Variants in NRG1 observed in about 807,000 individuals in gnomAD.
The protein encoded by NRG1 is pro-neuregulin-1, membrane-bound isoform.
NRG1 carries 18 observed loss-of-function variants against 63.8 expected under a neutral mutation model. That is an observed-to-expected ratio of 0.28 (90% CI 0.19 to 0.42). The LOEUF (loss-of-function observed/expected upper bound fraction) is 0.42. NRG1 is among the 10% of genes least tolerant of loss of function. The pLI, the probability that NRG1 is intolerant of heterozygous loss-of-function variation, is 1.00. For missense variants in NRG1, 762 were observed against 814.7 expected (o/e 0.94, Z 0.79); for synonymous variants, 302 against 301.3 (o/e 1.00, Z -0.02).
chr8:32,553,124 T>C (rs1192324329), intron 1 of NRG1, among the ~76,000 whole-genome samples: 1 of 152,198 alleles, frequency 6.6e-6, no homozygotes, highest in Non-Finnish European at 1.5e-5. Flanking sequence ...CTTAAATATG[T>C]AGTCATGGGA....
intron 1 of NRG1, among the ~76,000 whole-genome samples, chr8:31,821,454 A>G (rs13256173): frequency 0.14 from 21,203 of 152,246 alleles, 1,646 homozygotes; most frequent in South Asian, 0.19. Flanking sequence ...CAATCCCAGA[A>G]TAGTTCTACT....
chr8:32,421,200 G>A (rs1276431023), intron 1 of NRG1, among the ~76,000 whole-genome samples: 1 of 152,064 alleles, frequency 6.6e-6, no homozygotes, highest in East Asian at 1.9e-4. Flanking sequence ...ACCAGACCTG[G>A]CTAAATCCTT....
At chr8:32,557,014 G>T (rs980686101) in intron 1 of NRG1, among the ~76,000 whole-genome samples, 7 of 151,784 alleles carry the variant, frequency 4.6e-5, no homozygotes, top group Admixed American at 4.6e-4. Flanking sequence ...TTTGGTTTTT[G>T]GTTTTTTTTG....
chr8:32,051,204 C>T (rs1021266555), intron 1 of NRG1, among the ~76,000 whole-genome samples: 1 of 151,902 alleles, frequency 6.6e-6, no homozygotes, highest in African/African-American at 2.4e-5. Flanking sequence ...TAAAGGAATG[C>T]CTCATTCGTT....
intron 1 of NRG1, among the ~76,000 whole-genome samples, chr8:32,526,914 G>T (rs1447182703): frequency 2.6e-5 from 4 of 151,982 alleles, no homozygotes; most frequent in Admixed American, 2.6e-4. Context: ...TCCATTTGTA[G>T]CCCTTCACTC....
chr8:31,661,657 C>T (rs1400760236), intron 1 of NRG1, among the ~76,000 whole-genome samples: 1 of 152,180 alleles, frequency 6.6e-6, no homozygotes, highest in Non-Finnish European at 1.5e-5. Context: ...AGGTTTATAG[C>T]AAATGACTTT....
chr8:32,169,928 G>A (rs990855839), intron 1 of NRG1, among the ~76,000 whole-genome samples: 1 of 152,188 alleles, frequency 6.6e-6, no homozygotes, highest in Non-Finnish European at 1.5e-5. Context: ...AAGTAAAGTA[G>A]GTCCTTAATC....
Position 32,734,425 on chromosome 8 carries a change from T to C in NRG1, c.632+6347T>C, listed in dbSNP as rs1443482886. On this transcript the variant is annotated intron_variant, in intron 6 of 11. Coordinates refer to ENST00000356819, the Ensembl canonical transcript of NRG1. ...TCCAGTCTATAAGAACACACTTTTG[T>C]TGTATTTGTAGTATTTGTTGTATTT... Among the ~76,000 whole-genome samples, 4 of 152,168 alleles carry C rather than the reference T, an allele frequency of 2.6e-5. No individual in the cohort carries two copies. The East Asian group carries it at 7.7e-4, about 29-fold the overall frequency.
chr8:32,099,157 A>G (rs2131340587), intron 1 of NRG1, among the ~76,000 whole-genome samples: 1 of 152,274 alleles, frequency 6.6e-6, no homozygotes, highest in Non-Finnish European at 1.5e-5. Context: ...ATTTTATGGG[A>G]TGGCGCTTGT....
intron 1 of NRG1, among the ~76,000 whole-genome samples, chr8:32,535,698 A>T (rs71512638): frequency 0.15 from 23,426 of 152,144 alleles, 2,157 homozygotes; most frequent in Non-Finnish European, 0.19. Flanking sequence ...CTCTTTGTGA[A>T]TTTTTTCCAA....
chr8:32,101,230 T>A (rs1401500626), intron 1 of NRG1, among the ~76,000 whole-genome samples: 2 of 152,164 alleles, frequency 1.3e-5, no homozygotes, highest in African/African-American at 4.8e-5. Flanking sequence ...GTCTGGGATG[T>A]AAGTGATTCT....
intron 1 of NRG1, among the ~76,000 whole-genome samples, chr8:31,697,776 T>C (rs891559645): frequency 7.9e-5 from 12 of 152,224 alleles, no homozygotes; most frequent in Non-Finnish European, 4.4e-5. Flanking sequence ...CTGTCCCTTC[T>C]GTAATTTATG....
intron 1 of NRG1, among the ~76,000 whole-genome samples, chr8:31,953,468 C>T (rs1197351814): frequency 1.3e-5 from 2 of 152,112 alleles, no homozygotes; most frequent in Admixed American, 1.3e-4. Flanking sequence ...TGATAAGATA[C>T]TTAAAGTGAA....
At chr8:32,566,577 T>A (rs1206124351) in intron 1 of NRG1, among the ~76,000 whole-genome samples, 1 of 152,158 alleles carries the variant, frequency 6.6e-6, no homozygotes, top group East Asian at 1.9e-4. Context: ...GTATTTTGCG[T>A]CTATCTCTAA....
intron 5 of NRG1, among the ~76,000 whole-genome samples, chr8:32,620,808 C>T (rs557396403): frequency 2.7e-4 from 41 of 150,692 alleles, no homozygotes; most frequent in East Asian, 5.9e-4. Flanking sequence ...GGCAACAGAG[C>T]GAGAACTTGT....
intron 1 of NRG1, among the ~76,000 whole-genome samples, chr8:31,671,964 A>G (rs1328320726): frequency 2.0e-5 from 3 of 152,192 alleles, no homozygotes; most frequent in Non-Finnish European, 4.4e-5. Flanking sequence ...AAGAGAGAAG[A>G]AGGATTAAGA....
intron 1 of NRG1, among the ~76,000 whole-genome samples, chr8:32,447,171 C>G (rs1820365097): frequency 6.6e-6 from 1 of 151,726 alleles, no homozygotes; most frequent in Non-Finnish European, 1.5e-5. Context: ...AGGCGCCCAC[C>G]ACCACACCCG....
chr8:31,938,352 A>G (rs1249657948), intron 1 of NRG1, among the ~76,000 whole-genome samples: 1 of 152,138 alleles, frequency 6.6e-6, no homozygotes, highest in Non-Finnish European at 1.5e-5. Context: ...TTCCTAGGAG[A>G]AGGGGGAGAA....
intron 1 of NRG1, among the ~76,000 whole-genome samples, chr8:31,774,244 G>C (rs1297449989): frequency 6.6e-6 from 1 of 151,836 alleles, no homozygotes; most frequent in Admixed American, 6.6e-5. Flanking sequence ...CCAGATTTTT[G>C]CCTGACTCCC....
Sources: gnomAD v4.1 joint callset for allele counts (sites outside exome capture counted in the v4.1 genomes callset) on GRCh38, gnomAD v4.1.1 for gene constraint, MANE v1.5 for transcripts, NCBI Gene and HGNC (gene_info 2026-07-23, HGNC 2026-07-21) for gene names.